Variants in ENOX1 observed in about 807,000 individuals in gnomAD.
The protein encoded by ENOX1 is candidate growth-related and time keeping constitutive hydroquinone (NADH) oxidase.
ENOX1 carries 42 observed loss-of-function variants against 82.5 expected under a neutral mutation model. The observed-to-expected ratio is 0.51, with a 90% confidence interval of 0.40 to 0.66. The LOEUF (loss-of-function observed/expected upper bound fraction) is 0.66, where lower values mean the gene tolerates loss of function less well. ENOX1 is among the 30% of genes least tolerant of loss of function. The pLI is 0.00. For missense variants in ENOX1, 608 were observed against 811.6 expected (o/e 0.75, Z 3.05); for synonymous variants, 271 against 282.2 (o/e 0.96, Z 0.40).
At chr13:43,506,226 C>G (rs562281254) in intron 2 of ENOX1, among the ~76,000 whole-genome samples, 1 of 151,824 alleles carries the variant, frequency 6.6e-6, no homozygotes, top group African/African-American at 2.4e-5. Context: ...CCAAAAAACA[C>G]CTGAAAAAAT....
chr13:43,498,890 A>G (rs1171539418), intron 2 of ENOX1, among the ~76,000 whole-genome samples: 2 of 152,142 alleles, frequency 1.3e-5, no homozygotes, highest in Non-Finnish European at 2.9e-5. Context: ...GGATGATAGA[A>G]TTAGTGACTT....
intron 14 of ENOX1, among the ~76,000 whole-genome samples, chr13:43,262,964 A>G (rs1037721547): frequency 6.6e-6 from 1 of 152,318 alleles, no homozygotes; most frequent in South Asian, 2.1e-4. Flanking sequence ...GTCGGGTCTG[A>G]AGGCCTCGTC....
At chr13:43,732,118 T>C (rs1418079687) in intron 1 of ENOX1, among the ~76,000 whole-genome samples, 2 of 152,232 alleles carry the variant, frequency 1.3e-5, no homozygotes, top group African/African-American at 4.8e-5. Flanking sequence ...GCCTGCCTGA[T>C]AGCCCCTTAC....
At chr13:43,645,346 G>T (rs1222447270) in intron 2 of ENOX1, among the ~76,000 whole-genome samples, 1 of 151,890 alleles carries the variant, frequency 6.6e-6, no homozygotes, top group Non-Finnish European at 1.5e-5. Context: ...TTTAAGAGAG[G>T]TAAGTTCTCA....
chr13:43,386,402 G>T (rs544437516), intron 5 of ENOX1, among the ~76,000 whole-genome samples: 8 of 152,210 alleles, frequency 5.3e-5, no homozygotes, highest in Non-Finnish European at 8.8e-5. Context: ...ACTTTGTATA[G>T]AATGATTTTT....
In ENOX1 at chr13:43,259,435, C is replaced by T. The variant is rs140987757; in HGVS notation, c.1611+5963G>A. On this transcript the variant is annotated intron_variant, in intron 14 of 16. Transcript: ENST00000690772. ...CAACACCTTTGGTCCCAAGCTAGTG[C>T]TTGCTGGGCTTAGTCCTGGTGGGTC... Among the ~76,000 whole-genome samples, 265 of 152,286 alleles carry T rather than the reference C, an allele frequency of 1.7e-3. 1 individual carries two copies. The highest frequency in any genetic ancestry group is 6.2e-3 in the African/African-American group (257 of 41,564).
chr13:43,214,935 AATCCTGTATCTTC>A (rs1240517067), intron 16 of ENOX1, among the ~76,000 whole-genome samples: 1 of 152,172 alleles, frequency 6.6e-6, no homozygotes, highest in African/African-American at 2.4e-5. Flanking sequence ...ACTCTGTTTG[AATCCTGTATCTTC>A]ATTCTCACAA....
At chr13:43,705,330 C>CTCTCTCTCTCTATA (rs141765196) in intron 1 of ENOX1, among the ~76,000 whole-genome samples, 3 of 129,864 alleles carry the variant, frequency 2.3e-5, no homozygotes, top group African/African-American at 8.7e-5. Flanking sequence ...CTCTCTCTCT[C>CTCTCTCTCTCTATA]TATATATATA....
At chr13:43,492,834 C>T (rs548563710) in intron 2 of ENOX1, among the ~76,000 whole-genome samples, 26 of 152,208 alleles carry the variant, frequency 1.7e-4, no homozygotes, top group Admixed American at 9.2e-4. Flanking sequence ...GCCATGGTAC[C>T]TAGATATTTG....
intron 1 of ENOX1, among the ~76,000 whole-genome samples, chr13:43,714,451 T>C (rs887722313): frequency 2.6e-5 from 4 of 152,196 alleles, no homozygotes; most frequent in African/African-American, 9.7e-5. Context: ...AGAGCTGAGT[T>C]CAATTCCTGG....
Position 43,304,454 on chromosome 13 carries a change from T to G in ENOX1, c.1262-5924A>C, listed in dbSNP as rs2046753805. ...ATGCCACCAGGCTAGCTTAGCTCCA[T>G]GTAAGTGCCGCCCATCCCAGAGAAA... On this transcript the variant is annotated intron_variant, in intron 11 of 16. Transcript: ENST00000690772. 3.9e-5 allele frequency among the ~76,000 whole-genome samples: 6 copies of G among 152,248 alleles called. No individual in the cohort carries two copies. In the South Asian group the frequency reaches 1.2e-3, roughly 32 times the overall value.
chr13:43,363,716 T>C (rs541989531), intron 5 of ENOX1, among the ~76,000 whole-genome samples: 2 of 152,344 alleles, frequency 1.3e-5, no homozygotes, highest in South Asian at 2.1e-4. Flanking sequence ...ATGAGAGCCC[T>C]GTGAATTATA....
Position 43,589,228 on chromosome 13 carries a change from A to C in ENOX1, c.-219+78251T>G, listed in dbSNP as rs886677531. ...TTGGACATTAATGGAAAAAAAAAAA[A>C]AAAAAAAAAAAGCAAAGGGTCTGCA... On this transcript the variant is annotated intron_variant, in intron 2 of 16. Coordinates refer to ENST00000690772, the MANE Select transcript of ENOX1 (RefSeq NM_001347969.2). 6.7e-3 allele frequency among the ~76,000 whole-genome samples: 1,004 copies of C among 150,570 alleles called. 5 individuals carry two copies. The highest frequency in any genetic ancestry group is 0.01 in the Non-Finnish European group (677 of 67,670).
chr13:43,429,258 C>T (rs528676802), intron 3 of ENOX1, among the ~76,000 whole-genome samples: 2 of 152,244 alleles, frequency 1.3e-5, no homozygotes, highest in African/African-American at 2.4e-5. Context: ...ACTAGCAAAA[C>T]GGTCATATAT....
intron 2 of ENOX1, among the ~76,000 whole-genome samples, chr13:43,491,580 C>G (rs1305467570): frequency 6.6e-6 from 1 of 151,956 alleles, no homozygotes; most frequent in Non-Finnish European, 1.5e-5. Context: ...CCAGCCTGGC[C>G]AACATGGTGA....
At chr13:43,698,117 A>C (rs2153807393) in intron 1 of ENOX1, among the ~76,000 whole-genome samples, 1 of 152,310 alleles carries the variant, frequency 6.6e-6, no homozygotes, top group Admixed American at 6.5e-5. Context: ...AAAATGAAGG[A>C]GTGGACTCAA....
chr13:43,553,795 T>C, intron 2 of ENOX1, among the ~76,000 whole-genome samples: 1 of 152,234 alleles, frequency 6.6e-6, no homozygotes, highest in Non-Finnish European at 1.5e-5. Flanking sequence ...TTGCCCAGGC[T>C]GGAGTGCAGC....
At position 43,631,001 on chromosome 13, in the gene ENOX1, T is replaced by C. The variant is rs76377216; in HGVS notation, c.-219+36478A>G. Reference sequence around the variant, plus strand: ...TCATACCGTAAATACCACTTTGAACTCTGCTTTATTCACTTAACATAATGT... The same window carrying C: ...TCATACCGTAAATACCACTTTGAACCCTGCTTTATTCACTTAACATAATGT... On this transcript the variant is annotated intron_variant, in intron 2 of 16. Coordinates refer to ENST00000690772, the MANE Select transcript of ENOX1 (RefSeq NM_001347969.2). Among the ~76,000 whole-genome samples, 190 of 152,268 alleles carry C rather than the reference T, an allele frequency of 1.2e-3. 1 individual carries two copies. Among genetic ancestry groups the C allele is most frequent in the Admixed American group, 9.3e-3 (142 of 15,280 alleles).
At chr13:43,616,204 A>ATATATATATATATATATATATATATT (rs1457149422) in intron 2 of ENOX1, among the ~76,000 whole-genome samples, 1 of 15,296 alleles carries the variant, frequency 6.5e-5, no homozygotes, top group African/African-American at 1.1e-4. Flanking sequence ...ATATATATAT[A>ATATATATATATATATATATATATATT]TTTTTTTTTT....
Sources: gnomAD v4.1 joint callset for allele counts (sites outside exome capture counted in the v4.1 genomes callset) on GRCh38, gnomAD v4.1.1 for gene constraint, MANE v1.5 for transcripts, NCBI Gene and HGNC (gene_info 2026-07-23, HGNC 2026-07-21) for gene names.